MAP7: variants seen among roughly 807,000 people sequenced by gnomAD.
The protein encoded by MAP7 is microtubule associated protein 7, also known as ensconsin.
In MAP7, 52 loss-of-function variants were observed where a neutral mutation model predicts 94.8. The observed-to-expected ratio is 0.55, with a 90% CI of 0.44 to 0.69. MAP7 has a LOEUF of 0.69. MAP7 is among the 30% of genes least tolerant of loss of function. The pLI is 0.00. For missense variants in MAP7, 940 were observed against 964.6 expected (o/e 0.97, Z 0.34); for synonymous variants, 350 against 357.0 (o/e 0.98, Z 0.22).
intron 7 of MAP7, among the ~76,000 whole-genome samples, chr6:136,373,884 C>G (rs1449365662): frequency 1.3e-5 from 2 of 152,308 alleles, no homozygotes; most frequent in East Asian, 1.9e-4. Flanking sequence ...AATTTACAGA[C>G]AGAAAGTCAA....
intron 3 of MAP7, among the ~76,000 whole-genome samples, chr6:136,406,498 G>A (rs1274950161): frequency 6.6e-6 from 1 of 152,112 alleles, no homozygotes; most frequent in Non-Finnish European, 1.5e-5. Flanking sequence ...GGACTGTGGT[G>A]ATCCTGTACA....
chr6:136,363,150 A>G (rs1793319300), intron 10 of MAP7, among the ~76,000 whole-genome samples: 1 of 152,230 alleles, frequency 6.6e-6, no homozygotes, highest in Non-Finnish European at 1.5e-5. Context: ...CAGCCTGGGA[A>G]GATGATACCC....
intron 16 of MAP7, among the ~76,000 whole-genome samples, chr6:136,353,658 A>G (rs72975587): frequency 0.018 from 2,761 of 152,146 alleles, 40 homozygotes; most frequent in South Asian, 0.028. Flanking sequence ...GGCTCTAGTG[A>G]TCTTCCCACC....
At position 136,365,724 on chromosome 6, in the gene MAP7, T is replaced by C; in HGVS notation, c.1273+11A>G. 1 of 1,611,774 alleles carries C rather than the reference T, an allele frequency of 6.2e-7. No homozygotes were observed. The highest frequency in any genetic ancestry group is 8.5e-7 in the Non-Finnish European group (1 of 1,178,488). ...AGAGAGCACCCAGACCACAGGTGAG[T>C]TTGCTCTTACCAGGGCCAACTTCTG... is the stretch of plus-strand genomic sequence containing the variant. On this transcript the variant is annotated intron_variant, in intron 10 of 17. Transcript: ENST00000354570.
At chr6:136,459,856 T>A (rs1344739592) in intron 1 of MAP7, among the ~76,000 whole-genome samples, 6 of 152,176 alleles carry the variant, frequency 3.9e-5, no homozygotes, top group Non-Finnish European at 2.9e-5. Context: ...AATGATCCTG[T>A]ATCGTACACT....
intron 1 of MAP7, among the ~76,000 whole-genome samples, chr6:136,547,478 T>C (rs1170366401): frequency 6.6e-6 from 1 of 152,174 alleles, no homozygotes; most frequent in African/African-American, 2.4e-5. Flanking sequence ...AGAGGCAGTT[T>C]TGTGAATATC....
chr6:136,400,483 G>A (rs1221196280), intron 3 of MAP7, among the ~76,000 whole-genome samples: 1 of 149,436 alleles, frequency 6.7e-6, no homozygotes, highest in Non-Finnish European at 1.5e-5. Context: ...CTAAAATCAA[G>A]CCTATTAAGA....
chr6:136,543,415 G>A (rs1426474830), intron 1 of MAP7, among the ~76,000 whole-genome samples: 2 of 152,194 alleles, frequency 1.3e-5, no homozygotes, highest in African/African-American at 4.8e-5. Context: ...TTGGGATACT[G>A]AGGCGGGTGG....
At chr6:136,427,219 C>T (rs1056640099) in intron 1 of MAP7, among the ~76,000 whole-genome samples, 3 of 152,258 alleles carry the variant, frequency 2.0e-5, no homozygotes, top group East Asian at 1.9e-4. Flanking sequence ...GACCCTCCAC[C>T]GGAAATGGGA....
chr6:136,477,130 C>T (rs1811181737), intron 1 of MAP7, among the ~76,000 whole-genome samples: 1 of 152,266 alleles, frequency 6.6e-6, no homozygotes, highest in Admixed American at 6.5e-5. Flanking sequence ...AGTGGAGAAA[C>T]TTAGCAGATA....
intron 7 of MAP7, among the ~76,000 whole-genome samples, chr6:136,376,877 C>G (rs1340069392): frequency 6.6e-6 from 1 of 152,184 alleles, no homozygotes; most frequent in African/African-American, 2.4e-5. Flanking sequence ...TAAAAGCAGG[C>G]TAATGAACAT....
At chr6:136,396,564 G>C (rs1782560455) in intron 3 of MAP7, among the ~76,000 whole-genome samples, 1 of 151,870 alleles carries the variant, frequency 6.6e-6, no homozygotes, top group Non-Finnish European at 1.5e-5. Flanking sequence ...TTGCCTAATT[G>C]CTCTGGCTAG....
chr6:136,526,280 C>A, intron 1 of MAP7: 1 of 807,260 alleles, frequency 1.2e-6, no homozygotes, highest in African/African-American at 2.0e-5. Flanking sequence ...CGCGCGCGCA[C>A]ACACACACAC....
In MAP7 at chr6:136,360,686, G is replaced by C; in HGVS notation, c.1803+11C>G. ...TTCGCGTCCCGGGCCTCTCTACTAAGACGCAGCTACCTTCTTTCTCTCCAG... is the reference window on the plus strand; with the variant it reads ...TTCGCGTCCCGGGCCTCTCTACTAACACGCAGCTACCTTCTTTCTCTCCAG... On this transcript the variant is annotated intron_variant, in intron 13 of 17. Coordinates refer to ENST00000354570, the MANE Select transcript of MAP7 (RefSeq NM_003980.6). The C allele has an allele frequency of 6.2e-7, 1 of 1,613,746 alleles. No homozygotes were observed. The highest frequency in any genetic ancestry group is 8.5e-7 in the Non-Finnish European group (1 of 1,179,748).
chr6:136,352,021 A>C (rs1240619962), intron 16 of MAP7, among the ~76,000 whole-genome samples: 1 of 152,058 alleles, frequency 6.6e-6, no homozygotes, highest in Non-Finnish European at 1.5e-5. Context: ...TAGAGGGTGG[A>C]TCTCTGGCAA....
intron 1 of MAP7, chr6:136,466,968 C>T (rs556373831): frequency 2.6e-5 from 32 of 1,235,204 alleles, no homozygotes; most frequent in South Asian, 9.8e-5. Flanking sequence ...ACATACAACT[C>T]GACAGCCACT....
chr6:136,345,646 A>G (rs1787470976), intron 17 of MAP7, among the ~76,000 whole-genome samples: 1 of 152,222 alleles, frequency 6.6e-6, no homozygotes, highest in Admixed American at 6.5e-5. Flanking sequence ...TTCTGCACTG[A>G]CTGAGAGAAT....
At chr6:136,354,187 T>C (rs925018248) in intron 16 of MAP7, among the ~76,000 whole-genome samples, 2 of 144,768 alleles carry the variant, frequency 1.4e-5, no homozygotes, top group Non-Finnish European at 3.0e-5. Context: ...TATAAAAATA[T>C]ATATATCTAC....
intron 1 of MAP7, among the ~76,000 whole-genome samples, chr6:136,482,614 A>AAAC (rs371789328): frequency 2.0e-5 from 3 of 150,088 alleles, no homozygotes; most frequent in East Asian, 2.0e-4. Flanking sequence ...AAAAAAAAAA[A>AAAC]CAGACGCATG....
Sources: gnomAD v4.1 joint callset for allele counts (sites outside exome capture counted in the v4.1 genomes callset) on GRCh38, gnomAD v4.1.1 for gene constraint, MANE v1.5 for transcripts, NCBI Gene and HGNC (gene_info 2026-07-23, HGNC 2026-07-21) for gene names.